GDAP2: variants seen among roughly 807,000 people sequenced by gnomAD.
GDAP2 encodes ganglioside induced differentiation associated protein 2.
GDAP2 carries 51 observed loss-of-function variants against 67.0 expected under a neutral mutation model. That is an observed-to-expected ratio of 0.76 (90% CI 0.61 to 0.96). The LOEUF is 0.96. Ranked by LOEUF, GDAP2 falls within the 40% of genes least tolerant of loss-of-function variation. The probability of loss-of-function intolerance (pLI) is 0.00; values close to 1 mark genes in which losing one functional copy is unlikely to be tolerated. For synonymous variants in GDAP2, 203 were observed against 207.3 expected (o/e 0.98, Z 0.18); for missense variants, 547 against 588.3 (o/e 0.93, Z 0.73).
At chr1:117,911,772 T>TC (rs1443785416) in intron 5 of GDAP2, among the ~76,000 whole-genome samples, 1 of 150,700 alleles carries the variant, frequency 6.6e-6, no homozygotes, top group Non-Finnish European at 1.5e-5. Flanking sequence ...AAAAAAACCT[T>TC]TTTTTTTTGA....
chr1:117,884,005 T>A (rs529041743), intron 10 of GDAP2, among the ~76,000 whole-genome samples: 1 of 152,226 alleles, frequency 6.6e-6, no homozygotes. Flanking sequence ...GTAGAATTTC[T>A]ATACTTTTAA....
At chr1:117,911,620 G>A (rs577364875) in intron 5 of GDAP2, among the ~76,000 whole-genome samples, 6 of 152,098 alleles carry the variant, frequency 3.9e-5, no homozygotes, top group African/African-American at 1.2e-4. Flanking sequence ...CTTCTGACCC[G>A]TTATTCAAAT....
At chr1:117,901,840 A>G (rs1207987512) in intron 6 of GDAP2, among the ~76,000 whole-genome samples, 1 of 152,174 alleles carries the variant, frequency 6.6e-6, no homozygotes, top group Non-Finnish European at 1.5e-5. Flanking sequence ...AGTCCTAATC[A>G]TTTCCGTATC....
rs1398694540 is a variant in GDAP2, at chr1:117,863,644, T to C, written c.*6925A>G. ...ATCACTGATTTGACAATAAATATTT[T>C]TGAGAAAATATAAGAAAATAAACTT... On this transcript the variant is annotated 3_prime_UTR_variant, in exon 14 of 14. Transcript: ENST00000369443. 6.6e-6 allele frequency: 1 copy of C among 152,194 alleles called. No individual in the cohort carries two copies. The highest frequency in any genetic ancestry group is 1.5e-5 in the Non-Finnish European group (1 of 68,030). 9.4% of individuals were successfully genotyped at this position (152,194 alleles called of 1,614,324 possible). A position where few individuals can be genotyped will look rare whatever the true frequency, so the allele number is the denominator to read the frequency against.
chr1:117,912,158 A>G (rs1649878330), intron 4 of GDAP2, 76 bp from the exon 5 acceptor site: 1 of 868,138 alleles, frequency 1.2e-6, no homozygotes, highest in African/African-American at 1.7e-5. Flanking sequence ...AAGTAATTTC[A>G]AAATCTAGCT....
Position 117,906,505 on chromosome 1 carries a change from C to T in GDAP2, c.636+1G>A, listed in dbSNP as rs776073312. 2 of 1,500,724 alleles carry T rather than the reference C, an allele frequency of 1.3e-6. No individual in the cohort carries two copies. The highest frequency in any genetic ancestry group is 1.4e-5 in the African/African-American group (1 of 71,964). 93.0% of individuals were successfully genotyped at this position (1,500,724 alleles called of 1,614,324 possible). A position where few individuals can be genotyped will look rare whatever the true frequency, so the allele number is the denominator to read the frequency against. On this transcript the variant is annotated splice_donor_variant, in intron 6 of 13. Transcript: ENST00000369443. LOFTEE classifies it high-confidence loss of function. ...AAATAACGTAACAGTTAGCAAAATACCTCTTCAAGATCAGAGACAGCAAAT... is the reference window on the plus strand; with the variant it reads ...AAATAACGTAACAGTTAGCAAAATATCTCTTCAAGATCAGAGACAGCAAAT...
intron 6 of GDAP2, among the ~76,000 whole-genome samples, chr1:117,900,929 G>A (rs981874131): frequency 1.1e-4 from 17 of 151,984 alleles, no homozygotes; most frequent in African/African-American, 3.6e-4. Flanking sequence ...GGGTGGTAGC[G>A]GGTGCCTGTA....
rs1039124773 is a variant in GDAP2 at position 117,883,359 on chromosome 1, A to C, written c.1247+129T>G. Reference sequence around the variant, plus strand: ...GGGTCTCCTATGATTGAAGTATCTAATCTAGGTATGATAAAAGTCTTTGTT... The same window carrying C: ...GGGTCTCCTATGATTGAAGTATCTACTCTAGGTATGATAAAAGTCTTTGTT... On this transcript the variant is annotated intron_variant, in intron 11 of 13. Coordinates refer to ENST00000369443, the MANE Select transcript of GDAP2 (RefSeq NM_017686.4). 53 of 662,218 alleles carry C rather than the reference A, an allele frequency of 8.0e-5. No homozygotes were observed. In the African/African-American group the frequency reaches 8.4e-4, roughly 10 times the overall value. 41.0% of individuals were successfully genotyped at this position (662,218 alleles called of 1,614,324 possible). A position where few individuals can be genotyped will look rare whatever the true frequency, so the allele number is the denominator to read the frequency against.
At chr1:117,872,607 G>T (rs182801882) in intron 13 of GDAP2, among the ~76,000 whole-genome samples, 2 of 148,492 alleles carry the variant, frequency 1.3e-5, no homozygotes, top group East Asian at 4.1e-4. Context: ...CCCAAACACC[G>T]CATGTTCTCA....
In GDAP2 at chr1:117,920,207, C is replaced by T; in HGVS notation, c.151G>A (p.Asp51Asn). Residue 51 changes from aspartate to asparagine, a missense_variant, in exon 2 of 14, where the codon GAC becomes AAC. Physicochemically the swap from Asp to Asn is conservative, Grantham distance 23 (BLOSUM62 1). Transcript: ENST00000369443. ...TVRSPFLYNK[D>N]VNGKVVLWKG... ...CAAAGAACCACTTTTCCATTGACGTCCTTATTATAAAGAAAAGGTGATCGA... is the reference window on the plus strand; with the variant it reads ...CAAAGAACCACTTTTCCATTGACGTTCTTATTATAAAGAAAAGGTGATCGA... The T allele has an allele frequency of 6.2e-7, 1 of 1,605,028 alleles. No individual in the cohort carries two copies. Among genetic ancestry groups the T allele is most frequent in the African/African-American group, 1.3e-5 (1 of 74,762 alleles).
intron 5 of GDAP2, among the ~76,000 whole-genome samples, chr1:117,909,932 T>C (rs1649795777): frequency 6.6e-6 from 1 of 152,076 alleles, no homozygotes; most frequent in Non-Finnish European, 1.5e-5. Flanking sequence ...TAAAATAGAA[T>C]CCTTATGATT....
intron 5 of GDAP2, among the ~76,000 whole-genome samples, chr1:117,907,757 T>G (rs190049909): frequency 6.6e-6 from 1 of 152,294 alleles, no homozygotes; most frequent in Admixed American, 6.5e-5. Flanking sequence ...CTGCTCTCCT[T>G]GCGTCTTTTT....
At chr1:117,877,298 TA>T in intron 13 of GDAP2, 1 of 958,468 alleles carries the variant, frequency 1.0e-6, no homozygotes, top group Non-Finnish European at 1.2e-6. Context: ...TCAAACTTAA[TA>T]TAACTTTCAA....
chr1:117,912,522 G>A lies in GDAP2; in HGVS notation c.470+8C>T. On this transcript the variant is annotated splice_region_variant and intron_variant, in intron 4 of 13. Coordinates refer to ENST00000369443, the MANE Select transcript of GDAP2 (RefSeq NM_017686.4). ...ATATGCTATGTCCAGAAAATGAGTA[G>A]ACCATACTTTGCTAGTTGAAGTACG... 1 of 1,610,272 alleles carries A rather than the reference G, an allele frequency of 6.2e-7. No homozygotes were observed. The highest frequency in any genetic ancestry group is 8.5e-7 in the Non-Finnish European group (1 of 1,177,070).
rs1648181161 is a variant in GDAP2 at position 117,869,436 on chromosome 1, G to C, written c.*1133C>G. Reference sequence around the variant, plus strand: ...AAATGGTATCAAGGACAAGAGGAGTGCTGTGTAGCATTCCCTCATATATAT... The same window carrying C: ...AAATGGTATCAAGGACAAGAGGAGTCCTGTGTAGCATTCCCTCATATATAT... On this transcript the variant is annotated 3_prime_UTR_variant, in exon 14 of 14. Coordinates refer to ENST00000369443, the MANE Select transcript of GDAP2 (RefSeq NM_017686.4). The C allele has an allele frequency of 6.6e-6, 1 of 152,490 alleles. No homozygotes were observed. Among genetic ancestry groups the C allele is most frequent in the South Asian group, 2.1e-4 (1 of 4,830 alleles). The allele number at this position is 152,490 out of a possible 1,614,324, so 9.4% of individuals were successfully genotyped here. A position where few individuals can be genotyped will look rare whatever the true frequency, so the allele number is the denominator to read the frequency against.
chr1:117,927,418 A>C (rs904675240), intron 1 of GDAP2, among the ~76,000 whole-genome samples: 1 of 152,202 alleles, frequency 6.6e-6, no homozygotes, highest in Non-Finnish European at 1.5e-5. Context: ...TTAAGAGAGA[A>C]AAATGGTAAC....
At chr1:117,886,086 T>G (rs1648842651) in intron 10 of GDAP2, among the ~76,000 whole-genome samples, 1 of 152,178 alleles carries the variant, frequency 6.6e-6, no homozygotes. Context: ...CTAATCACAT[T>G]GAATATTTTC....
rs1433969639 is a variant in GDAP2 at position 117,868,493 on chromosome 1, A to C, written c.*2076T>G. Reference sequence around the variant, plus strand: ...AGCAAAGGAACATCCTTTCAAAATCATTGCCTGTAAGAAATTGTATATATA... The same window carrying C: ...AGCAAAGGAACATCCTTTCAAAATCCTTGCCTGTAAGAAATTGTATATATA... On this transcript the variant is annotated 3_prime_UTR_variant, in exon 14 of 14. Transcript: ENST00000369443. 1 of 152,196 alleles carries C rather than the reference A, an allele frequency of 6.6e-6. No homozygotes were observed. Among genetic ancestry groups the C allele is most frequent in the Non-Finnish European group, 1.5e-5 (1 of 68,046 alleles). 9.4% of individuals were successfully genotyped at this position (152,196 alleles called of 1,614,324 possible).
At chr1:117,876,072 A>G (rs1395688327) in intron 13 of GDAP2, among the ~76,000 whole-genome samples, 1 of 152,068 alleles carries the variant, frequency 6.6e-6, no homozygotes, top group Non-Finnish European at 1.5e-5. Flanking sequence ...AAAATGCTAC[A>G]TTTTGGATAT....
Sources: gnomAD v4.1 joint callset for allele counts (sites outside exome capture counted in the v4.1 genomes callset) on GRCh38, gnomAD v4.1.1 for gene constraint, MANE v1.5 for transcripts, NCBI Gene and HGNC (gene_info 2026-07-23, HGNC 2026-07-21) for gene names.